The following HS6ST2 variants were observed in gnomAD, a reference collection of about 807,000 sequenced individuals.
HS6ST2 encodes the protein heparan sulfate 6-O-sulfotransferase 2.
Under a neutral mutation model 33.0 loss-of-function variants are expected in HS6ST2, and 17 were observed. The ratio of observed to expected loss-of-function variants is 0.52; its 90% confidence interval spans 0.35 to 0.77. The LOEUF is 0.77. Ranked by LOEUF, HS6ST2 falls within the 30% of genes least tolerant of loss-of-function variation. The probability of loss-of-function intolerance (pLI) is 0.01; values close to 1 mark genes in which losing one functional copy is unlikely to be tolerated. For missense variants in HS6ST2, 519 were observed against 551.7 expected (o/e 0.94, Z 0.59); for synonymous variants, 248 against 237.1 (o/e 1.05, Z -0.42).
At chrX:132,737,490 C>T (rs755698719) in intron 2 of HS6ST2, among the ~76,000 whole-genome samples, 1 of 111,155 alleles carries the variant, frequency 9.0e-6, no homozygotes, top group South Asian at 3.9e-4. Context: ...CCACTGGGGC[C>T]CTCCCTTTAT....
intron 2 of HS6ST2, among the ~76,000 whole-genome samples, chrX:132,765,088 G>A (rs1000197715): frequency 9.8e-5 from 11 of 112,269 alleles, no homozygotes; most frequent in Non-Finnish European, 1.3e-4. Context: ...CCTGGGCCAC[G>A]GTGTATGAGT....
chrX:132,750,050 G>A (rs1227578521), intron 2 of HS6ST2, among the ~76,000 whole-genome samples: 2 of 110,097 alleles, frequency 1.8e-5, no homozygotes, highest in African/African-American at 6.6e-5. Context: ...TAACCGGGGT[G>A]GGGGGCCTAG....
At chrX:132,837,332 C>CAT (rs2065654029) in intron 2 of HS6ST2, among the ~76,000 whole-genome samples, 2 of 103,330 alleles carry the variant, frequency 1.9e-5, no homozygotes, top group South Asian at 4.6e-4. Context: ...ACAGTATAGC[C>CAT]GTGTGTGTGT....
intron 4 of HS6ST2, among the ~76,000 whole-genome samples, chrX:132,664,261 G>A (rs921312805): frequency 2.7e-5 from 3 of 111,649 alleles, no homozygotes; most frequent in East Asian, 5.6e-4. Context: ...CGCCCACCTC[G>A]GCCTCCCAAA....
intron 2 of HS6ST2, among the ~76,000 whole-genome samples, chrX:132,757,112 A>G (rs1226818895): frequency 8.9e-6 from 1 of 111,852 alleles, no homozygotes; most frequent in Admixed American, 9.5e-5. Flanking sequence ...TAGCCTCATT[A>G]GAAGCAATCA....
chrX:132,695,721 G>A (rs1250833472), intron 3 of HS6ST2, among the ~76,000 whole-genome samples: 1 of 111,971 alleles, frequency 8.9e-6, no homozygotes, highest in Admixed American at 9.5e-5. Flanking sequence ...GTCATTCGCT[G>A]GCTGGGAGCT....
At chrX:132,904,292 C>T (rs187895244) in intron 2 of HS6ST2, among the ~76,000 whole-genome samples, 4 of 111,277 alleles carry the variant, frequency 3.6e-5, no homozygotes, top group Admixed American at 9.6e-5. Context: ...AACTTAGCCT[C>T]GTGTGTTGTT....
At chrX:132,785,920 C>G (rs1255303564) in intron 2 of HS6ST2, among the ~76,000 whole-genome samples, 1 of 111,855 alleles carries the variant, frequency 8.9e-6, no homozygotes, top group Non-Finnish European at 1.9e-5. Context: ...ATTCTTGGAT[C>G]TGCTGCTATC....
At chrX:132,832,527 T>C (rs1174801313) in intron 2 of HS6ST2, among the ~76,000 whole-genome samples, 1 of 112,195 alleles carries the variant, frequency 8.9e-6, no homozygotes, top group African/African-American at 3.2e-5. Flanking sequence ...TAATTTTTTC[T>C]CTTACTTTTT....
At chrX:132,631,248 G>A (rs894755730) in intron 4 of HS6ST2, among the ~76,000 whole-genome samples, 3 of 111,754 alleles carry the variant, frequency 2.7e-5, no homozygotes, top group African/African-American at 9.8e-5. Context: ...ATCACAGGAA[G>A]GTTTTTCTTA....
At chrX:132,918,408 G>A (rs113952645) in intron 2 of HS6ST2, among the ~76,000 whole-genome samples, 1,286 of 112,295 alleles carry the variant, frequency 0.011, 8 homozygotes, top group South Asian at 0.053. Flanking sequence ...CATAATGATG[G>A]CATAGACCTT....
At chrX:132,661,125 T>G (rs1040770437) in intron 4 of HS6ST2, among the ~76,000 whole-genome samples, 2 of 111,635 alleles carry the variant, frequency 1.8e-5, no homozygotes, top group African/African-American at 6.5e-5. Flanking sequence ...GGGATTATAA[T>G]TCAAGATGAG....
chrX:132,829,199 T>TATATATATATATATATATATATATAC (rs55664940), intron 2 of HS6ST2, among the ~76,000 whole-genome samples: 1 of 73,294 alleles, frequency 1.4e-5, no homozygotes, highest in African/African-American at 6.1e-5. Context: ...TATATATATA[T>TATATATATATATATATATATATATAC]ACATACTTAT....
chrX:132,833,151 A>G (rs1395532899), intron 2 of HS6ST2, among the ~76,000 whole-genome samples: 1 of 112,007 alleles, frequency 8.9e-6, no homozygotes, highest in Non-Finnish European at 1.9e-5. Context: ...AAATGATTAG[A>G]TAAGTTTATC....
chrX:132,708,568 C>A, intron 2 of HS6ST2, 74 bp from the exon 3 acceptor site: 5 of 937,003 alleles, frequency 5.3e-6, no homozygotes, highest in Non-Finnish European at 7.5e-6. Flanking sequence ...AAAAGTTTTC[C>A]ATTGTGCTTT....
intron 2 of HS6ST2, among the ~76,000 whole-genome samples, chrX:132,807,943 A>G (rs1296058206): frequency 8.9e-6 from 1 of 111,784 alleles, no homozygotes; most frequent in East Asian, 2.8e-4. Context: ...GCCTCCTGAA[A>G]ACTCTTCTGT....
chrX:132,829,435 G>A (rs2065566126), intron 2 of HS6ST2, among the ~76,000 whole-genome samples: 2 of 108,130 alleles, frequency 1.8e-5, no homozygotes, highest in Admixed American at 2.0e-4. Context: ...GAGAGATCTG[G>A]GATCTGGGTG....
At chrX:132,863,036 G>T (rs1281627679) in intron 2 of HS6ST2, among the ~76,000 whole-genome samples, 5 of 111,879 alleles carry the variant, frequency 4.5e-5, no homozygotes, top group African/African-American at 1.6e-4. Context: ...AAGGTGTTTG[G>T]ATTCTTCAGG....
At chrX:132,649,443 A>G (rs982981279) in intron 4 of HS6ST2, among the ~76,000 whole-genome samples, 4 of 112,364 alleles carry the variant, frequency 3.6e-5, no homozygotes, top group African/African-American at 9.7e-5. Flanking sequence ...TGCCACAGGG[A>G]GCCAGAGAAG....
Sources: gnomAD v4.1 joint callset for allele counts (sites outside exome capture counted in the v4.1 genomes callset) on GRCh38, gnomAD v4.1.1 for gene constraint, MANE v1.5 for transcripts, NCBI Gene and HGNC (gene_info 2026-07-23, HGNC 2026-07-21) for gene names.